Variants in ZNF592 observed in about 807,000 individuals in gnomAD.
ZNF592 encodes the protein spinocerebellar ataxia, autosomal recessive 5.
ZNF592 carries 11 observed loss-of-function variants against 80.3 expected under a neutral mutation model. The ratio of observed to expected loss-of-function variants is 0.14; its 90% CI spans 0.09 to 0.23. The LOEUF (loss-of-function observed/expected upper bound fraction) is 0.23. ZNF592 is among the 10% of genes least tolerant of loss of function. The pLI is 1.00. For missense variants in ZNF592, 1,420 were observed against 1,633.9 expected, an observed-to-expected ratio of 0.87 and a Z score of 2.26; for synonymous variants, 646 against 640.3, an observed-to-expected ratio of 1.01 and a Z score of -0.13.
chr15:84,799,303 G>T lies in ZNF592; in HGVS notation c.3137+93G>T, dbSNP rs1424096602. Reference sequence around the variant, plus strand: ...GCTTTTCTGTGCTGCAAGATCAGGTGTCTAAGACAAGAGACAAGTGATTTC... The same window carrying T: ...GCTTTTCTGTGCTGCAAGATCAGGTTTCTAAGACAAGAGACAAGTGATTTC... On this transcript the variant is annotated intron_variant, in intron 9 of 10. Transcript: ENST00000560079. The surrounding 1 kb of genome is among the most constrained non-coding windows in gnomAD (Gnocchi z 4.2). 2 of 1,275,752 alleles carry T rather than the reference G, an allele frequency of 1.6e-6. No individual in the cohort carries two copies. Among genetic ancestry groups the T allele is most frequent in the Non-Finnish European group, 2.3e-6 (2 of 874,624 alleles). 79.0% of individuals were successfully genotyped at this position (1,275,752 alleles called of 1,614,324 possible).
At chr15:84,759,960 C>A (rs1324800194) in intron 1 of ZNF592, among the ~76,000 whole-genome samples, 1 of 45,202 alleles carries the variant, frequency 2.2e-5, no homozygotes, top group Non-Finnish European at 4.8e-5. Flanking sequence ...AGATTCCCCC[C>A]CCCCCCACCC....
intron 2 of ZNF592, among the ~76,000 whole-genome samples, chr15:84,777,857 G>T (rs1596119517): frequency 6.6e-6 from 1 of 151,668 alleles, no homozygotes; most frequent in Non-Finnish European, 1.5e-5. Context: ...CCACCACCAC[G>T]CCCGGCTAAT....
At chr15:84,779,882 A>T (rs1193738789) in intron 3 of ZNF592, among the ~76,000 whole-genome samples, 1 of 151,982 alleles carries the variant, frequency 6.6e-6, no homozygotes, top group East Asian at 1.9e-4. Flanking sequence ...TTAGACACAC[A>T]ATCAACTTCT....
chr15:84,761,314 G>A (rs1347584410), intron 1 of ZNF592, among the ~76,000 whole-genome samples: 1 of 152,164 alleles, frequency 6.6e-6, no homozygotes, highest in East Asian at 1.9e-4. Flanking sequence ...TGGTGTTTGG[G>A]AAGGATTAGT....
At chr15:84,768,259 T>G (rs1030088656) in intron 2 of ZNF592, among the ~76,000 whole-genome samples, 1 of 147,010 alleles carries the variant, frequency 6.8e-6, no homozygotes, top group African/African-American at 2.5e-5. Flanking sequence ...TTGAGACAGT[T>G]GTGCTCTGTC....
At chr15:84,771,561 C>T (rs1899702732) in intron 2 of ZNF592, among the ~76,000 whole-genome samples, 2 of 152,078 alleles carry the variant, frequency 1.3e-5, no homozygotes, top group South Asian at 4.1e-4. Flanking sequence ...GCTGAAGGGA[C>T]ATCTTGGTGA....
chr15:84,765,134 T>C, intron 2 of ZNF592, among the ~76,000 whole-genome samples: 1 of 152,196 alleles, frequency 6.6e-6, no homozygotes, highest in East Asian at 1.9e-4. Flanking sequence ...TGAATTTGCC[T>C]ACTCTAGGGA....
Position 84,798,825 on chromosome 15 carries a change from G to A in ZNF592, c.2974G>A (p.Val992Ile), listed in dbSNP as rs1444281545. Reference sequence around the variant, plus strand: ...GACCTGCCAGGAGTGCCAGGAGTGGGTTCCAGATCGGGAGAGCTACGTGTC... The same window carrying A: ...GACCTGCCAGGAGTGCCAGGAGTGGATTCCAGATCGGGAGAGCTACGTGTC... ...GWTCQECQEW[V>I]PDRESYVSHM... Residue 992 changes from valine (V) to isoleucine (I), a missense_variant, in exon 8 of 11, where the codon GTT becomes ATT. Around this residue, in one of 7 missense-constraint regions of ZNF592, gnomAD observed 331 missense variants for 347.0 expected, o/e 0.95. Coordinates refer to ENST00000560079, the MANE Select transcript of ZNF592 (RefSeq NM_014630.3). This position sits in a 1 kb window ranked among gnomAD's most constrained non-coding sequence, Gnocchi z 4.5. The A allele has an allele frequency of 6.2e-7, 1 of 1,600,380 alleles. No individual in the cohort carries two copies. Among genetic ancestry groups the A allele is most frequent in the South Asian group, 1.1e-5 (1 of 90,970 alleles).
intron 2 of ZNF592, among the ~76,000 whole-genome samples, chr15:84,767,662 C>G (rs1315442590): frequency 6.6e-6 from 1 of 151,980 alleles, no homozygotes; most frequent in African/African-American, 2.4e-5. Flanking sequence ...TGCTTGCTGC[C>G]TATGCCTAGT....
At chr15:84,765,535 G>GTT (rs71453265) in intron 2 of ZNF592, among the ~76,000 whole-genome samples, 7,596 of 92,208 alleles carry the variant, frequency 0.082, 1,029 homozygotes, top group East Asian at 0.14. Context: ...TGTTATTATT[G>GTT]TTTTTTTTTT....
intron 5 of ZNF592, among the ~76,000 whole-genome samples, chr15:84,793,369 A>C (rs1430096268): frequency 6.6e-6 from 1 of 152,198 alleles, no homozygotes; most frequent in Non-Finnish European, 1.5e-5. Flanking sequence ...GAGCCACTGC[A>C]CCTGGCCCAA....
At chr15:84,754,017 A>C (rs1899090550) in intron 1 of ZNF592, among the ~76,000 whole-genome samples, 1 of 152,162 alleles carries the variant, frequency 6.6e-6, no homozygotes, top group Non-Finnish European at 1.5e-5. Flanking sequence ...TCAGAGTGCT[A>C]CTTCAGCCAA....
Position 84,801,904 on chromosome 15 carries a change from T to G in ZNF592, c.3315T>G (p.Ala1105=). The change falls in exon 11 of 11, where the codon GCT becomes GCG. Residue 1105 remains alanine (A), a synonymous_variant. Coordinates refer to ENST00000560079, the MANE Select transcript of ZNF592 (RefSeq NM_014630.3). The stretch of plus-strand genomic sequence containing the variant: ...GACCAGTCAGTGGAGTGGGGGACGC[T>G]CCAGGCACCAGCAATGGCGCAACTG... ...LKRPVSGVGD[A]PGTSNGATVS... The G allele has an allele frequency of 6.2e-7, 1 of 1,613,834 alleles. No homozygotes were observed.
At chr15:84,761,882 C>T (rs570029945) in intron 1 of ZNF592, among the ~76,000 whole-genome samples, 17 of 152,274 alleles carry the variant, frequency 1.1e-4, no homozygotes, top group South Asian at 2.1e-4. Context: ...TTGTCTTTGA[C>T]GAACAAACCC....
intron 1 of ZNF592, among the ~76,000 whole-genome samples, chr15:84,750,469 A>G (rs936570553): frequency 5.3e-5 from 8 of 152,170 alleles, no homozygotes; most frequent in Non-Finnish European, 1.0e-4. Context: ...TATAACAAAA[A>G]TATAGTCTGT....
intron 2 of ZNF592, among the ~76,000 whole-genome samples, chr15:84,770,947 G>T (rs887525372): frequency 4.6e-5 from 7 of 152,096 alleles, no homozygotes; most frequent in African/African-American, 1.7e-4. Flanking sequence ...TCTTTGGTTG[G>T]CGTGGAAAAG....
rs1596135223 is a variant in ZNF592, at chr15:84,798,766, T to G, written c.2915T>G (p.Val972Gly). The change falls in exon 8 of 11, where the codon GTG becomes GGG. Residue 972 changes from valine (V) to glycine (G), a missense_variant. Coordinates refer to ENST00000560079, the MANE Select transcript of ZNF592 (RefSeq NM_014630.3). This position sits in a 1 kb window ranked among gnomAD's most constrained non-coding sequence, Gnocchi z 4.5. The part of the protein sequence containing the change: ...RWGRPEAHRR[V>G]EARPRLRNTG... ...GGTAGGCCTGAAGCCCACCGCAGGG[T>G]GGAAGCCAGGCCGCGGCTGAGGAAC... 6.2e-7 allele frequency: 1 copy of G among 1,606,562 alleles called. No individual in the cohort carries two copies. Among genetic ancestry groups the G allele is most frequent in the Non-Finnish European group, 8.5e-7 (1 of 1,179,718 alleles).
rs764767782 is a variant in ZNF592, at chr15:84,782,663, C to A, written c.-13C>A. 8.1e-6 allele frequency: 13 copies of A among 1,613,986 alleles called. No homozygotes were observed. Among genetic ancestry groups the A allele is most frequent in the Non-Finnish European group, 1.0e-5 (12 of 1,179,980 alleles). ...TTTTCTGTTTCTGTTACAGCCCTTG[C>A]CAGCATCCAGCCATGGGGGATATGA... On this transcript the variant is annotated 5_prime_UTR_variant, in exon 4 of 11. Coordinates refer to ENST00000560079, the MANE Select transcript of ZNF592 (RefSeq NM_014630.3).
At chr15:84,761,285 G>GT (rs779920729) in intron 1 of ZNF592, among the ~76,000 whole-genome samples, 10 of 152,306 alleles carry the variant, frequency 6.6e-5, no homozygotes, top group Non-Finnish European at 1.5e-4. Flanking sequence ...TTTGAGCAGA[G>GT]TAAGTGACCT....
Sources: gnomAD v4.1 joint callset for allele counts (sites outside exome capture counted in the v4.1 genomes callset) on GRCh38, gnomAD v4.1.1 for gene constraint, gnomAD v4.1.1 regional missense constraint, Gnocchi (gnomAD v3.1) non-coding constraint, MANE v1.5 for transcripts, NCBI Gene and HGNC (gene_info 2026-07-23, HGNC 2026-07-21) for gene names.